Variants in ADAMTS6 observed in about 807,000 individuals in gnomAD.
The protein encoded by ADAMTS6 is ADAM metallopeptidase with thrombospondin type 1 motif 6, also known as A disintegrin and metalloproteinase with thrombospondin motifs 6.
ADAMTS6 carries 23 observed loss-of-function variants against 144.3 expected under a neutral mutation model. The observed-to-expected ratio is 0.16, with a 90% CI of 0.11 to 0.23. The LOEUF (loss-of-function observed/expected upper bound fraction) is 0.23. ADAMTS6 is among the 10% of genes least tolerant of loss of function. The pLI, the probability that ADAMTS6 is intolerant of heterozygous loss-of-function variation, is 1.00. For synonymous variants in ADAMTS6, 444 were observed against 457.5 expected, an observed-to-expected ratio of 0.97 and a Z score of 0.38; for missense variants, 999 against 1,379.6, an observed-to-expected ratio of 0.72 and a Z score of 4.37.
At chr5:65,392,934 G>C (rs924228860) in intron 7 of ADAMTS6, among the ~76,000 whole-genome samples, 2 of 152,092 alleles carry the variant, frequency 1.3e-5, no homozygotes, top group African/African-American at 4.8e-5. Flanking sequence ...GATGTGAGTA[G>C]TATACTCTAA....
chr5:65,199,252 T>C (rs1459814414), intron 20 of ADAMTS6, among the ~76,000 whole-genome samples: 1 of 152,202 alleles, frequency 6.6e-6, no homozygotes, highest in Admixed American at 6.5e-5. Context: ...ACAACTGATC[T>C]GGTTTTGTTT....
intron 3 of ADAMTS6, among the ~76,000 whole-genome samples, chr5:65,462,395 G>T (rs1561565224): frequency 6.6e-6 from 1 of 152,186 alleles, no homozygotes; most frequent in African/African-American, 2.4e-5. Flanking sequence ...AGCCTGGTAA[G>T]TAAACACAAT....
intron 7 of ADAMTS6, among the ~76,000 whole-genome samples, chr5:65,389,854 C>T (rs1430321539): frequency 6.6e-6 from 1 of 152,104 alleles, no homozygotes; most frequent in Admixed American, 6.5e-5. Flanking sequence ...ACTGCTTATG[C>T]AATGTCATTT....
intron 11 of ADAMTS6, among the ~76,000 whole-genome samples, chr5:65,277,604 G>T (rs1338484113): frequency 6.6e-6 from 1 of 151,414 alleles, no homozygotes. Context: ...TTATTTTAAT[G>T]GACTGTCCTT....
At chr5:65,240,517 C>G (rs1470828737) in intron 15 of ADAMTS6, among the ~76,000 whole-genome samples, 2 of 151,890 alleles carry the variant, frequency 1.3e-5, no homozygotes, top group African/African-American at 4.8e-5. Context: ...AATCTTAATC[C>G]CCAATTTGAA....
chr5:65,337,540 T>C (rs916831389), intron 7 of ADAMTS6, among the ~76,000 whole-genome samples: 1 of 152,162 alleles, frequency 6.6e-6, no homozygotes, highest in Non-Finnish European at 1.5e-5. Context: ...AATCATTTAA[T>C]TCAAGCTCTA....
rs565032516 is a variant in ADAMTS6, at chr5:65,225,307, G to T, written c.2068-260C>A. Among the ~76,000 whole-genome samples, 5 of 152,214 alleles carry T rather than the reference G, an allele frequency of 3.3e-5. No homozygotes were observed. The South Asian group carries it at 1.0e-3, about 32-fold the overall frequency. The stretch of plus-strand genomic sequence containing the variant: ...CACACACAAATATCATACACAAACT[G>T]AATCATCAGATATATTTGCAGACAA... On this transcript the variant is annotated intron_variant, in intron 16 of 24. Transcript: ENST00000381055.
rs375019869 is a variant in ADAMTS6, at chr5:65,445,644, C to A, written c.1073+5831G>T. Among the ~76,000 whole-genome samples, 39 of 152,174 alleles carry A rather than the reference C, an allele frequency of 2.6e-4. No homozygotes were observed. The East Asian group carries it at 5.6e-3, about 22-fold the overall frequency. On this transcript the variant is annotated intron_variant, in intron 7 of 24. Transcript: ENST00000381055. ...GGCATGACCCATCACACAGAGCCCCCCTCTTTCACTCTTAAAAGTGTCCCA... is the reference window on the plus strand; with the variant it reads ...GGCATGACCCATCACACAGAGCCCCACTCTTTCACTCTTAAAAGTGTCCCA...
intron 7 of ADAMTS6, among the ~76,000 whole-genome samples, chr5:65,427,204 C>T (rs1171282326): frequency 6.6e-6 from 1 of 152,032 alleles, no homozygotes; most frequent in African/African-American, 2.4e-5. Flanking sequence ...TCAATAGCAA[C>T]ATAATTGAAT....
intron 5 of ADAMTS6, 72 bp from the exon 6 acceptor site, chr5:65,452,288 T>C (rs775737143): frequency 7.6e-7 from 1 of 1,318,352 alleles, no homozygotes; most frequent in Admixed American, 1.9e-5. Flanking sequence ...GTTTTTTAAG[T>C]GCTAAAACAA....
At chr5:65,452,634 G>A in intron 5 of ADAMTS6, 73 bp downstream of exon 5, 2 of 1,513,632 alleles carry the variant, frequency 1.3e-6, no homozygotes, top group Non-Finnish European at 1.8e-6. Flanking sequence ...TTACTTCACA[G>A]CAAAAATTTA....
intron 7 of ADAMTS6, among the ~76,000 whole-genome samples, chr5:65,425,591 A>C (rs1245045794): frequency 6.6e-6 from 1 of 152,106 alleles, no homozygotes; most frequent in Admixed American, 6.5e-5. Context: ...CCACTCTCAA[A>C]TTCTACAGTA....
intron 9 of ADAMTS6, among the ~76,000 whole-genome samples, chr5:65,307,595 T>C (rs894551859): frequency 3.3e-5 from 5 of 152,212 alleles, no homozygotes; most frequent in Admixed American, 6.5e-5. Flanking sequence ...AGTTATACAA[T>C]TCACATATAC....
At chr5:65,385,207 A>G (rs1028334751) in intron 7 of ADAMTS6, among the ~76,000 whole-genome samples, 1 of 152,232 alleles carries the variant, frequency 6.6e-6, no homozygotes, top group African/African-American at 2.4e-5. Flanking sequence ...CACAGAATTC[A>G]TCAGAATTAG....
At chr5:65,183,631 G>A (rs1754491172) in intron 22 of ADAMTS6, among the ~76,000 whole-genome samples, 1 of 151,022 alleles carries the variant, frequency 6.6e-6, no homozygotes, top group South Asian at 2.1e-4. Context: ...GTTTTACTTA[G>A]CTATGTAAAA....
chr5:65,241,227 CTTTTTTTTTTTT>C (rs58991614), intron 15 of ADAMTS6, among the ~76,000 whole-genome samples: 3 of 116,302 alleles, frequency 2.6e-5, no homozygotes, highest in Admixed American at 2.6e-4. Context: ...AGTATATTTC[CTTTTTTTTTTTT>C]TTTTTTTTTG....
intron 14 of ADAMTS6, among the ~76,000 whole-genome samples, chr5:65,249,673 C>T (rs79303598): frequency 5.9e-5 from 9 of 152,102 alleles, no homozygotes; most frequent in Non-Finnish European, 1.3e-4. Context: ...TGCTGCAGAC[C>T]CATAGGAATT....
chr5:65,478,876 G>A (rs749724516), intron 1 of ADAMTS6, among the ~76,000 whole-genome samples: 1 of 152,144 alleles, frequency 6.6e-6, no homozygotes, highest in East Asian at 1.9e-4. Flanking sequence ...TGCTTCCATG[G>A]ATCAAAGCTA....
intron 7 of ADAMTS6, among the ~76,000 whole-genome samples, chr5:65,384,765 G>A (rs1202036716): frequency 1.3e-5 from 2 of 152,028 alleles, no homozygotes; most frequent in East Asian, 1.9e-4. Context: ...ACATTTTTAG[G>A]TATTTGTTAT....
Sources: allele counts gnomAD v4.1 joint callset (sites outside exome capture counted in the v4.1 genomes callset), GRCh38; gene constraint gnomAD v4.1.1; transcripts MANE v1.5; gene names NCBI Gene and HGNC (gene_info 2026-07-23, HGNC 2026-07-21).